Variants in DROSHA observed in about 807,000 individuals in gnomAD.
DROSHA encodes the protein drosha ribonuclease III.
DROSHA carries 56 observed loss-of-function variants against 181.9 expected under a neutral mutation model. That is an observed-to-expected ratio of 0.31 (90% CI 0.25 to 0.38). DROSHA has a LOEUF of 0.38. Ranked by LOEUF, DROSHA falls within the 10% of genes least tolerant of loss-of-function variation. The pLI, the probability that DROSHA is intolerant of heterozygous loss-of-function variation, is 1.00. For missense variants in DROSHA, 1,218 were observed against 1,743.5 expected, an observed-to-expected ratio of 0.70 and a Z score of 5.37; for synonymous variants, 524 against 591.2, an observed-to-expected ratio of 0.89 and a Z score of 1.65.
intron 25 of DROSHA, among the ~76,000 whole-genome samples, chr5:31,432,559 C>CA (rs578027871): frequency 3.3e-4 from 51 of 152,286 alleles, no homozygotes; most frequent in African/African-American, 1.1e-3. Context: ...GTGTCCCCCT[C>CA]ATGAGGTTTC....
At chr5:31,458,052 CACAG>C (rs1353216218) in intron 20 of DROSHA, among the ~76,000 whole-genome samples, 40 of 152,258 alleles carry the variant, frequency 2.6e-4, no homozygotes, top group African/African-American at 9.4e-4. Flanking sequence ...CAAAAATGAA[CACAG>C]ACAGTCCCCA....
chr5:31,521,055 T>A (rs940251414), intron 6 of DROSHA, 68 bp downstream of exon 6: 4 of 1,542,338 alleles, frequency 2.6e-6, no homozygotes, highest in Non-Finnish European at 3.6e-6. Context: ...TGTTGCTCCA[T>A]ACAAGCACAA....
intron 33 of DROSHA, among the ~76,000 whole-genome samples, chr5:31,408,184 T>C (rs1472849204): frequency 6.6e-6 from 1 of 152,184 alleles, no homozygotes; most frequent in South Asian, 2.1e-4. Context: ...CTTGTGTATT[T>C]TGAAATTTGA....
intron 6 of DROSHA, among the ~76,000 whole-genome samples, chr5:31,520,702 C>T (rs969445966): frequency 6.6e-6 from 1 of 152,092 alleles, no homozygotes; most frequent in Non-Finnish European, 1.5e-5. Flanking sequence ...AATTTTACTT[C>T]GGGATATAGA....
chr5:31,433,479 T>G (rs1037617557), intron 25 of DROSHA, among the ~76,000 whole-genome samples: 1 of 152,216 alleles, frequency 6.6e-6, no homozygotes, highest in Non-Finnish European at 1.5e-5. Flanking sequence ...TGCTGTGATG[T>G]GAATTTCCTG....
At chr5:31,442,865 G>A (rs1177561363) in intron 23 of DROSHA, among the ~76,000 whole-genome samples, 3 of 151,976 alleles carry the variant, frequency 2.0e-5, no homozygotes, top group Non-Finnish European at 4.4e-5. Flanking sequence ...CTGAGATCCA[G>A]TAGATCTCAG....
intron 20 of DROSHA, among the ~76,000 whole-genome samples, chr5:31,454,793 AGCCG>A (rs1398243579): frequency 6.6e-6 from 1 of 151,978 alleles, no homozygotes; most frequent in Non-Finnish European, 1.5e-5. Context: ...ACAAAAAATT[AGCCG>A]GGTGTGGTGA....
chr5:31,405,197 T>A (rs1232522643), intron 35 of DROSHA, among the ~76,000 whole-genome samples: 1 of 151,900 alleles, frequency 6.6e-6, no homozygotes. Context: ...TGAAACCCCA[T>A]CTCTACTAAA....
At chr5:31,481,500 C>T (rs899001165) in intron 16 of DROSHA, among the ~76,000 whole-genome samples, 3 of 152,170 alleles carry the variant, frequency 2.0e-5, no homozygotes, top group Non-Finnish European at 2.9e-5. Context: ...AGCAAATTCA[C>T]TCTAACACCA....
chr5:31,405,174 C>T (rs542051928), intron 35 of DROSHA, among the ~76,000 whole-genome samples: 7 of 152,190 alleles, frequency 4.6e-5, no homozygotes, highest in East Asian at 3.9e-4. Context: ...CCAGACCAGC[C>T]GGGCCAATAT....
At chr5:31,500,479 A>G (rs1454995381) in intron 11 of DROSHA, among the ~76,000 whole-genome samples, 1 of 152,246 alleles carries the variant, frequency 6.6e-6, no homozygotes, top group Non-Finnish European at 1.5e-5. Context: ...ACGCTGAGCA[A>G]AGCTGAAATA....
rs183331472 is a variant in DROSHA at position 31,460,765 on chromosome 5, T to C, written c.2574+3471A>G. Among the ~76,000 whole-genome samples, 12 of 152,292 alleles carry C rather than the reference T, an allele frequency of 7.9e-5. No homozygotes were observed. The East Asian group carries it at 1.5e-3, about 20-fold the overall frequency. On this transcript the variant is annotated intron_variant, in intron 20 of 35. Coordinates refer to ENST00000344624, the MANE Select transcript of DROSHA (RefSeq NM_001382508.1). ...GATTTTTATTCTTCATTACCAAAAATACTAAATGCTTTTATTTTGGAGGTT... is the reference window on the plus strand; with the variant it reads ...GATTTTTATTCTTCATTACCAAAAACACTAAATGCTTTTATTTTGGAGGTT...
intron 4 of DROSHA, 101 bp from the exon 5 acceptor site, chr5:31,527,013 A>C: frequency 9.1e-7 from 1 of 1,103,430 alleles, no homozygotes; most frequent in South Asian, 1.6e-5. Flanking sequence ...TGAGCAACTC[A>C]AAGACCCCCT....
intron 19 of DROSHA, 26 bp from the exon 20 acceptor site, chr5:31,464,369 T>C (rs751772282): frequency 1.3e-6 from 2 of 1,598,794 alleles, no homozygotes; most frequent in Admixed American, 3.4e-5. Flanking sequence ...TTATGATGAG[T>C]AACACAACTG....
intron 6 of DROSHA, among the ~76,000 whole-genome samples, chr5:31,520,699 C>T (rs916698037): frequency 6.6e-6 from 1 of 152,088 alleles, no homozygotes; most frequent in Non-Finnish European, 1.5e-5. Flanking sequence ...CAAAATTTTA[C>T]TTCGGGATAT....
In DROSHA at chr5:31,401,377, A is replaced by C. The variant is rs755317391; in HGVS notation, c.*55T>G. 1.3e-6 allele frequency: 2 copies of C among 1,596,914 alleles called. No homozygotes were observed. Among genetic ancestry groups the C allele is most frequent in the Non-Finnish European group, 1.7e-6 (2 of 1,168,950 alleles). On this transcript the variant is annotated 3_prime_UTR_variant, in exon 36 of 36. Transcript: ENST00000344624. ...CAGGAAAACTAGGCTAGGTCTCAAT[A>C]GACAACAGTCACAGTTACTGAGCAA...
Position 31,508,773 on chromosome 5 carries a change from T to G in DROSHA, c.1435A>C (p.Ser479Arg). Reference sequence around the variant, plus strand: ...GACTCACACTCGGATTCACTGGAACTCTCTAACAGGGGTTGGGAGAAAAAT... The same window carrying G: ...GACTCACACTCGGATTCACTGGAACGCTCTAACAGGGGTTGGGAGAAAAAT... ...PKTKLDEDLESSSESECESDE... is the reference protein window; with the variant it reads ...PKTKLDEDLERSSESECESDE... Residue 479 changes from serine to arginine, a missense_variant and splice_region_variant, in exon 10 of 36, where the codon AGT (serine) becomes CGT (arginine). Ser to Arg is a moderately radical substitution (Grantham distance 110). This residue lies in a region of DROSHA where 460 missense variants were observed against 774.2 expected (regional missense o/e 0.59). Coordinates refer to ENST00000344624, the MANE Select transcript of DROSHA (RefSeq NM_001382508.1). The G allele has an allele frequency of 6.2e-7, 1 of 1,610,960 alleles. No individual in the cohort carries two copies. The highest frequency in any genetic ancestry group is 8.5e-7 in the Non-Finnish European group (1 of 1,178,420).
At chr5:31,486,773 C>A (rs1328189811) in intron 13 of DROSHA, 4 of 468,458 alleles carry the variant, frequency 8.5e-6, no homozygotes, top group Non-Finnish European at 1.5e-5. Flanking sequence ...AAGAAACCTG[C>A]ATAATGTGGT....
At chr5:31,503,615 C>T (rs1737559705) in intron 11 of DROSHA, among the ~76,000 whole-genome samples, 1 of 152,174 alleles carries the variant, frequency 6.6e-6, no homozygotes, top group Admixed American at 6.5e-5. Flanking sequence ...CAGCACAACA[C>T]ACAAAAATTC....
Sources: gnomAD v4.1 joint callset for allele counts (sites outside exome capture counted in the v4.1 genomes callset) on GRCh38, gnomAD v4.1.1 for gene constraint, gnomAD v4.1.1 regional missense constraint, MANE v1.5 for transcripts, NCBI Gene and HGNC (gene_info 2026-07-23, HGNC 2026-07-21) for gene names.